PRIM2: variants seen among roughly 807,000 people sequenced by gnomAD.
PRIM2 encodes DNA primase subunit 2, also known as DNA primase large subunit.
PRIM2 carries 39 observed loss-of-function variants against 67.3 expected under a neutral mutation model. The observed-to-expected ratio is 0.58, with a 90% CI of 0.45 to 0.76. The LOEUF (loss-of-function observed/expected upper bound fraction) is 0.76, where lower values mean the gene tolerates loss of function less well. PRIM2 is among the 30% of genes least tolerant of loss of function. The pLI is 0.00. For missense variants in PRIM2, 398 were observed against 598.7 expected, an observed-to-expected ratio of 0.66 and a Z score of 3.50; for synonymous variants, 143 against 198.7, an observed-to-expected ratio of 0.72 and a Z score of 2.36.
chr6:57,545,532 G>A (rs1775271999), intron 10 of PRIM2, among the ~76,000 whole-genome samples: 1 of 152,184 alleles, frequency 6.6e-6, no homozygotes, highest in South Asian at 2.1e-4. Context: ...CTGGGTTCAA[G>A]CTATTCTCCT....
intron 5 of PRIM2, among the ~76,000 whole-genome samples, chr6:57,362,664 A>G: frequency 6.6e-6 from 1 of 151,928 alleles, no homozygotes; most frequent in Non-Finnish European, 1.5e-5. Context: ...AAAAATGGGA[A>G]AGGGAAATTA....
In PRIM2 at chr6:57,528,380, CT is replaced by C. The variant is rs1581971336; in HGVS notation, c.762-4024del. On this transcript the variant is annotated intron_variant, in intron 8 of 13. Transcript: ENST00000615550. ...ATTCATCGTTGCTAGCATTCTCTTG[CT>C]TTTTTTCTTTTTTTCCTTGAAATTT... Among the ~76,000 whole-genome samples the C allele has an allele frequency of 5.3e-5, 8 of 151,554 alleles. No homozygotes were observed. In the East Asian group the frequency reaches 1.5e-3, roughly 29 times the overall value.
the PRIM2 span, among the ~76,000 whole-genome samples, chr6:57,291,086 A>AATAG: frequency 3.3e-5 from 5 of 152,340 alleles, no homozygotes; most frequent in East Asian, 9.6e-4. Flanking sequence ...AAGATCAACA[A>AATAG]ATAGATAGAC....
the PRIM2 span, among the ~76,000 whole-genome samples, chr6:57,298,515 C>T: frequency 6.6e-5 from 10 of 151,832 alleles, no homozygotes; most frequent in South Asian, 2.1e-4. Flanking sequence ...GTGGGGCCTT[C>T]GGGGGATGGC....
chr6:57,357,498 A>G (rs919999856), intron 5 of PRIM2, among the ~76,000 whole-genome samples: 1 of 151,294 alleles, frequency 6.6e-6, no homozygotes, highest in African/African-American at 2.4e-5. Flanking sequence ...TCTTCCCTAC[A>G]TTTCGTCTAA....
At chr6:57,285,536 G>T in the PRIM2 span, among the ~76,000 whole-genome samples, 6 of 152,082 alleles carry the variant, frequency 3.9e-5, no homozygotes, top group Non-Finnish European at 8.8e-5. Context: ...TCATTATCTC[G>T]ATAGATGCAG....
At chr6:57,474,744 C>T (rs1257105530) in intron 7 of PRIM2, among the ~76,000 whole-genome samples, 1,597 of 152,146 alleles carry the variant, frequency 0.01, 25 homozygotes, top group African/African-American at 0.037. Flanking sequence ...GAGGTGTACT[C>T]AGTTTATGAT....
intron 10 of PRIM2, among the ~76,000 whole-genome samples, chr6:57,560,512 C>G (rs1207652954): frequency 7.9e-5 from 12 of 151,570 alleles, no homozygotes; most frequent in Non-Finnish European, 1.6e-4. Flanking sequence ...TGAATTCTTT[C>G]CAGGTTTTCC....
the PRIM2 span, among the ~76,000 whole-genome samples, chr6:57,274,040 G>T: frequency 1.3e-4 from 20 of 152,182 alleles, no homozygotes; most frequent in Non-Finnish European, 2.5e-4. Flanking sequence ...CGCCCCTACT[G>T]GGGGGTGCCT....
At chr6:57,455,169 G>T (rs1273119148) in intron 7 of PRIM2, among the ~76,000 whole-genome samples, 2 of 152,228 alleles carry the variant, frequency 1.3e-5, no homozygotes, top group Admixed American at 6.5e-5. Context: ...TATAATTTCT[G>T]TTCTTTTACA....
At chr6:57,614,732 C>T (rs1278074897) in intron 12 of PRIM2, among the ~76,000 whole-genome samples, 8 of 152,240 alleles carry the variant, frequency 5.3e-5, no homozygotes, top group Non-Finnish European at 8.8e-5. Context: ...CGCCTGTAGT[C>T]CCAGCTACTT....
intron 10 of PRIM2, among the ~76,000 whole-genome samples, chr6:57,591,482 A>T (rs1313679589): frequency 1.3e-5 from 2 of 152,104 alleles, no homozygotes; most frequent in Non-Finnish European, 2.9e-5. Context: ...TGGTATCCTA[A>T]ATTCTGGGCA....
intron 8 of PRIM2, among the ~76,000 whole-genome samples, chr6:57,530,786 T>G (rs1774872506): frequency 2.0e-5 from 3 of 152,084 alleles, no homozygotes; most frequent in African/African-American, 7.2e-5. Context: ...CACTGCATCC[T>G]ACACCTCCTG....
the PRIM2 span, among the ~76,000 whole-genome samples, chr6:57,252,103 CTG>C: frequency 2.6e-5 from 4 of 152,228 alleles, no homozygotes; most frequent in Non-Finnish European, 5.9e-5. Context: ...ATAATGCTGA[CTG>C]TATTCCTTCC....
At chr6:57,249,466 GC>G in the PRIM2 span, among the ~76,000 whole-genome samples, 1 of 152,208 alleles carries the variant, frequency 6.6e-6, no homozygotes, top group Non-Finnish European at 1.5e-5. Flanking sequence ...GTTAGGTTGG[GC>G]GTGGTGGCTC....
intron 8 of PRIM2, among the ~76,000 whole-genome samples, chr6:57,513,669 A>G (rs1581963052): frequency 6.6e-6 from 1 of 152,160 alleles, no homozygotes; most frequent in African/African-American, 2.4e-5. Flanking sequence ...TGAGGCAGGC[A>G]GATCACTTGA....
At chr6:57,489,738 C>T (rs2127409419) in intron 7 of PRIM2, among the ~76,000 whole-genome samples, 1 of 152,376 alleles carries the variant, frequency 6.6e-6, no homozygotes, top group African/African-American at 2.4e-5. Flanking sequence ...GCTCCTTCTC[C>T]CAAAACTAAC....
At chr6:57,485,437 A>G (rs1773731272) in intron 7 of PRIM2, among the ~76,000 whole-genome samples, 1 of 152,130 alleles carries the variant, frequency 6.6e-6, no homozygotes, top group South Asian at 2.1e-4. Context: ...GTTCTGCCTA[A>G]TATCAAGGGG....
At chr6:57,231,037 T>C in the PRIM2 span, among the ~76,000 whole-genome samples, 2 of 152,246 alleles carry the variant, frequency 1.3e-5, no homozygotes, top group African/African-American at 2.4e-5. Flanking sequence ...TTGAGCAGAA[T>C]GGTGAGGACA....
Sources: allele counts gnomAD v4.1 joint callset (sites outside exome capture counted in the v4.1 genomes callset), GRCh38; gene constraint gnomAD v4.1.1; transcripts MANE v1.5; gene names NCBI Gene and HGNC (gene_info 2026-07-23, HGNC 2026-07-21).